The following CDYL variants were observed in gnomAD, a reference collection of about 807,000 sequenced individuals.
The protein encoded by CDYL is chromodomain Y like.
In CDYL, 8 loss-of-function variants were observed where a neutral mutation model predicts 47.3. That is an observed-to-expected ratio of 0.17 (90% CI 0.10 to 0.31). The LOEUF is 0.31. CDYL is among the 10% of genes least tolerant of loss of function. The pLI, the probability that CDYL is intolerant of heterozygous loss-of-function variation, is 1.00. For missense variants in CDYL, 471 were observed against 701.4 expected, an observed-to-expected ratio of 0.67 and a Z score of 3.71; for synonymous variants, 266 against 265.0, an observed-to-expected ratio of 1.00 and a Z score of -0.04.
chr6:4,929,175 C>T (rs369547733), intron 2 of CDYL, among the ~76,000 whole-genome samples: 1 of 151,880 alleles, frequency 6.6e-6, no homozygotes, highest in African/African-American at 2.4e-5. Context: ...TTTGTTTCTC[C>T]TCTGTTTTTG....
At chr6:4,803,733 ATTTTTTTT>A in intron 1 of CDYL, among the ~76,000 whole-genome samples, 1 of 119,984 alleles carries the variant, frequency 8.3e-6, no homozygotes, top group South Asian at 2.7e-4. Flanking sequence ...CACTTTCCTG[ATTTTTTTT>A]TTTTTTTTTT....
chr6:4,728,660 CACTTGTCGAGGAA>C (rs764506974), intron 2 of CDYL, among the ~76,000 whole-genome samples: 38 of 152,246 alleles, frequency 2.5e-4, no homozygotes, highest in Admixed American at 2.5e-3. Flanking sequence ...TTTTACTGGA[CACTTGTCGAGGAA>C]TTCCAGCAAG....
chr6:4,944,705 G>A (rs1409803844), intron 5 of CDYL, among the ~76,000 whole-genome samples: 2 of 152,352 alleles, frequency 1.3e-5, no homozygotes, highest in Middle Eastern at 6.8e-3. Context: ...TAACTTGCAG[G>A]CCAGAACCTG....
chr6:4,775,023 C>G (rs1339774109), upstream of CDYL, among the ~76,000 whole-genome samples: 2 of 152,126 alleles, frequency 1.3e-5, no homozygotes, highest in African/African-American at 2.4e-5. The surrounding 1 kb of genome is among the most constrained non-coding windows in gnomAD (Gnocchi z 7.0). Flanking sequence ...GTCTGTGAGA[C>G]GCCCCGTGGT....
At chr6:4,911,137 T>A (rs537681317) in intron 2 of CDYL, among the ~76,000 whole-genome samples, 1 of 152,334 alleles carries the variant, frequency 6.6e-6, no homozygotes, top group South Asian at 2.1e-4. Flanking sequence ...AAAAAGGATT[T>A]TTAAGGCAGT....
intron 1 of CDYL, among the ~76,000 whole-genome samples, chr6:4,826,904 G>A (rs1260832754): frequency 2.0e-5 from 3 of 152,176 alleles, no homozygotes; most frequent in Non-Finnish European, 4.4e-5. Flanking sequence ...AAAATGTAGT[G>A]TATTGAATTC....
At chr6:4,903,412 A>T (rs1245090901) in intron 2 of CDYL, among the ~76,000 whole-genome samples, 2 of 152,350 alleles carry the variant, frequency 1.3e-5, no homozygotes, top group East Asian at 3.9e-4. Flanking sequence ...TGTGGAGTGG[A>T]TGAAAGCATT....
chr6:4,947,463 G>A (rs1758557997), intron 5 of CDYL, among the ~76,000 whole-genome samples: 1 of 152,168 alleles, frequency 6.6e-6, no homozygotes, highest in Non-Finnish European at 1.5e-5. Flanking sequence ...CTAAGGCCAA[G>A]TCTCAGCCCT....
rs893355923 is a variant in CDYL at position 4,806,755 on chromosome 6, T to C, written c.24+29948T>C. Among the ~76,000 whole-genome samples, 6 of 152,364 alleles carry C rather than the reference T, an allele frequency of 3.9e-5. No homozygotes were observed. The East Asian group carries it at 5.8e-4, about 15-fold the overall frequency. ...TTCAAAGAGTGCCTTTAAGTTCTTT[T>C]GTAAAATGTTCCTAAATTCTGGTTT... On this transcript the variant is annotated intron_variant, in intron 1 of 6. Transcript: ENST00000397588.
In CDYL at chr6:4,911,586, T is replaced by C. The variant is rs1757417737; in HGVS notation, c.691+19207T>C. Among the ~76,000 whole-genome samples, 5 of 152,182 alleles carry C rather than the reference T, an allele frequency of 3.3e-5. No homozygotes were observed. The South Asian group carries it at 8.3e-4, about 25-fold the overall frequency. On this transcript the variant is annotated intron_variant, in intron 2 of 6. Transcript: ENST00000397588. ...TGTAGCCAGAGGCACAAACCACTTT[T>C]GGTATTGGTTCTAGGGATAGCTAAA...
chr6:4,895,075 C>G (rs1561692744), intron 2 of CDYL, among the ~76,000 whole-genome samples: 2 of 60,016 alleles, frequency 3.3e-5, no homozygotes. Context: ...ATATATGTAT[C>G]TATATGCACA....
chr6:4,723,825 C>A (rs1757423252), intron 2 of CDYL, among the ~76,000 whole-genome samples: 2 of 152,228 alleles, frequency 1.3e-5, no homozygotes, highest in Non-Finnish European at 2.9e-5. Flanking sequence ...TAGGCACATA[C>A]TGAGACAACT....
chr6:4,893,915 A>G (rs975175247), intron 2 of CDYL, among the ~76,000 whole-genome samples: 2 of 152,234 alleles, frequency 1.3e-5, no homozygotes, highest in African/African-American at 4.8e-5. Flanking sequence ...AAAAAGTGGA[A>G]TATGAACTGA....
chr6:4,929,110 C>G (rs1011980821), intron 2 of CDYL, among the ~76,000 whole-genome samples: 4 of 152,130 alleles, frequency 2.6e-5, no homozygotes, highest in African/African-American at 9.7e-5. Context: ...TTTTAACATT[C>G]CTTACAGTGC....
chr6:4,803,873 T>C (rs1040431926), intron 1 of CDYL, among the ~76,000 whole-genome samples: 1 of 152,000 alleles, frequency 6.6e-6, no homozygotes, highest in African/African-American at 2.4e-5. Flanking sequence ...TTTTTTGTAC[T>C]AGGAGGAATT....
At position 4,728,124 on chromosome 6, in the gene CDYL, G is replaced by C. The variant is rs6931290; in HGVS notation, c.104-6638G>C. 2.6e-5 allele frequency among the ~76,000 whole-genome samples: 4 copies of C among 152,150 alleles called. No homozygotes were observed. The Middle Eastern group carries it at 0.01, about 388-fold the overall frequency. On this transcript the variant is annotated intron_variant, in intron 2 of 8. Coordinates refer to the CDYL transcript ENST00000328908. ...TAAGGACTCTTTCTTCAACTAAACA[G>C]TTTCTCTTCAGAGTGTTATCACTCC... is the stretch of plus-strand genomic sequence containing the variant.
At chr6:4,801,950 A>G (rs1254287899) in intron 1 of CDYL, among the ~76,000 whole-genome samples, 1 of 152,124 alleles carries the variant, frequency 6.6e-6, no homozygotes, top group Non-Finnish European at 1.5e-5. Flanking sequence ...TCAGCTAGGG[A>G]TTTCAGCATC....
chr6:4,897,360 G>A (rs1406476890), intron 2 of CDYL, among the ~76,000 whole-genome samples: 2 of 152,176 alleles, frequency 1.3e-5, no homozygotes, highest in East Asian at 1.9e-4. Context: ...TAATACCTTA[G>A]CACACCTTGC....
intron 5 of CDYL, 128 bp from the exon 6 acceptor site, chr6:4,952,138 G>T (rs772691771): frequency 9.4e-7 from 1 of 1,058,744 alleles, no homozygotes; most frequent in Non-Finnish European, 1.3e-6. Context: ...GCCCCTAGAG[G>T]ATGTGCCCCA....
Sources: gnomAD v4.1 joint callset for allele counts (sites outside exome capture counted in the v4.1 genomes callset) on GRCh38, gnomAD v4.1.1 for gene constraint, Gnocchi (gnomAD v3.1) non-coding constraint, MANE v1.5 for transcripts, NCBI Gene and HGNC (gene_info 2026-07-23, HGNC 2026-07-21) for gene names.